Variants in TNC observed in about 807,000 individuals in gnomAD.
TNC encodes the protein tenascin C.
A neutral mutation model predicts 202.4 loss-of-function variants in TNC; 109 were observed. The observed-to-expected ratio is 0.54, with a 90% confidence interval of 0.46 to 0.63. TNC has a LOEUF of 0.63. TNC is among the 30% of genes least tolerant of loss of function. The probability of loss-of-function intolerance (pLI) is 0.00; values close to 1 mark genes in which losing one functional copy is unlikely to be tolerated. For synonymous variants in TNC, 1,007 were observed against 1,089.7 expected, an observed-to-expected ratio of 0.92 and a Z score of 1.50; for missense variants, 2,756 against 2,833.3, an observed-to-expected ratio of 0.97 and a Z score of 0.62.
chr9:115,060,114 T>C, intron 13 of TNC, 112 bp from the exon 14 acceptor site: 1 of 1,264,620 alleles, frequency 7.9e-7, no homozygotes, highest in Non-Finnish European at 1.1e-6. Context: ...AATTTTTTTT[T>C]TTAATTCTTG....
intron 1 of TNC, among the ~76,000 whole-genome samples, chr9:115,111,323 A>G (rs1454920394): frequency 6.9e-6 from 1 of 145,416 alleles, no homozygotes; most frequent in Non-Finnish European, 1.5e-5. Context: ...GACTAAGGTG[A>G]TGGAATATCC....
chr9:115,037,130 C>A (rs536755211), intron 20 of TNC, among the ~76,000 whole-genome samples: 2 of 152,202 alleles, frequency 1.3e-5, no homozygotes, highest in Admixed American at 1.3e-4. Flanking sequence ...CCCTCCTCCC[C>A]ATCAGTTCCC....
At chr9:115,043,363 CTG>C (rs1168655388) in intron 17 of TNC, among the ~76,000 whole-genome samples, 1 of 152,156 alleles carries the variant, frequency 6.6e-6, no homozygotes, top group Non-Finnish European at 1.5e-5. Context: ...CCCCCAGACT[CTG>C]TGGCTGCCTG....
intron 20 of TNC, among the ~76,000 whole-genome samples, chr9:115,037,597 G>A (rs530029142): frequency 1.8e-4 from 27 of 152,066 alleles, no homozygotes; most frequent in Middle Eastern, 3.4e-3. Context: ...GTGCGATCTC[G>A]GCTCACTGCA....
intron 15 of TNC, among the ~76,000 whole-genome samples, chr9:115,053,381 C>G (rs892953737): frequency 2.0e-5 from 3 of 152,296 alleles, no homozygotes; most frequent in South Asian, 4.1e-4. Flanking sequence ...ACTGGGGACA[C>G]AAGCCCTGTA....
intron 25 of TNC, among the ~76,000 whole-genome samples, chr9:115,027,997 G>A (rs1234308987): frequency 6.6e-6 from 1 of 152,144 alleles, no homozygotes; most frequent in Non-Finnish European, 1.5e-5. Flanking sequence ...TATATCTCAA[G>A]CAAGCATCTG....
At chr9:115,092,062 A>G (rs1588182531) in intron 1 of TNC, among the ~76,000 whole-genome samples, 1 of 152,372 alleles carries the variant, frequency 6.6e-6, no homozygotes, top group South Asian at 2.1e-4. Flanking sequence ...GGACTTAACA[A>G]TAGAATTAAG....
intron 1 of TNC, among the ~76,000 whole-genome samples, chr9:115,096,362 A>T (rs1172376963): frequency 2.0e-5 from 3 of 152,240 alleles, no homozygotes; most frequent in Admixed American, 2.0e-4. Context: ...GCTCAGTTGT[A>T]TCACTCACAT....
Position 115,084,853 on chromosome 9 carries a change from T to C in TNC, c.1868-381A>G, listed in dbSNP as rs549540767. Among the ~76,000 whole-genome samples, 3 of 152,306 alleles carry C rather than the reference T, an allele frequency of 2.0e-5. No homozygotes were observed. The East Asian group carries it at 5.8e-4, about 29-fold the overall frequency. ...TAGCACTGGGAGGGTATTTTGGGCATATCTGGTCCAACTTTCTTATATTAT... is the reference window on the plus strand; with the variant it reads ...TAGCACTGGGAGGGTATTTTGGGCACATCTGGTCCAACTTTCTTATATTAT... On this transcript the variant is annotated intron_variant, in intron 3 of 27. Coordinates refer to ENST00000350763, the MANE Select transcript of TNC (RefSeq NM_002160.4).
rs1461651047 is a variant in TNC at position 115,114,528 on chromosome 9, CAG to C, written c.-137+3452_-137+3453del. ...AAATTTGAACTTTCCTGTTTCCAGGCAGAGAGTTGCACCATTGAGAGCTGACC... is the reference window on the plus strand; with the variant it reads ...AAATTTGAACTTTCCTGTTTCCAGGCAGAGTTGCACCATTGAGAGCTGACC... On this transcript the variant is annotated intron_variant, in intron 1 of 27. Coordinates refer to ENST00000350763, the MANE Select transcript of TNC (RefSeq NM_002160.4). 2.6e-5 allele frequency among the ~76,000 whole-genome samples: 4 copies of C among 152,330 alleles called. No homozygotes were observed. The South Asian group carries it at 6.2e-4, about 24-fold the overall frequency.
intron 10 of TNC, among the ~76,000 whole-genome samples, chr9:115,072,156 G>T (rs138943506): frequency 6.6e-6 from 1 of 152,340 alleles, no homozygotes; most frequent in East Asian, 1.9e-4. Flanking sequence ...ATGAACTATG[G>T]GGAGAAGTGA....
At chr9:115,026,792 C>A in intron 25 of TNC, 97 bp from the exon 26 acceptor site, 1 of 1,153,556 alleles carries the variant, frequency 8.7e-7, no homozygotes. Flanking sequence ...ACACTTAAGA[C>A]AGGGCCAACT....
chr9:115,060,073 C>T lies in TNC; in HGVS notation c.4034-71G>A, dbSNP rs149092885. The T allele has an allele frequency of 6.9e-3, 9,947 of 1,435,344 alleles. 177 individuals are homozygous for T. Among genetic ancestry groups the T allele is most frequent in the South Asian group, 0.035 (2,529 of 71,268 alleles). 88.9% of individuals were successfully genotyped at this position (1,435,344 alleles called of 1,614,324 possible). A position where few individuals can be genotyped will look rare whatever the true frequency, so the allele number is the denominator to read the frequency against. On this transcript the variant is annotated intron_variant, in intron 13 of 27. Transcript: ENST00000350763. ...TGAGGAAACCAAACATCCCACAGCC[C>T]AACTCTAGGAAAGAGAGAAAGGGGA... is the stretch of plus-strand genomic sequence containing the variant.
chr9:115,109,745 C>T (rs1488009905), intron 1 of TNC, among the ~76,000 whole-genome samples: 1 of 152,188 alleles, frequency 6.6e-6, no homozygotes. Context: ...AGGTCTGTGT[C>T]CTGAGACAGT....
At chr9:115,117,821 T>C (rs776045010) in intron 1 of TNC, among the ~76,000 whole-genome samples, 161 bp downstream of exon 1, 10 of 151,986 alleles carry the variant, frequency 6.6e-5, no homozygotes, top group Non-Finnish European at 1.0e-4. Flanking sequence ...AAAGTCAAGG[T>C]GCATCTGATA....
Position 115,046,558 on chromosome 9 carries a change from C to T in TNC, c.4977G>A (p.Lys1659=). 1 of 1,614,112 alleles carries T rather than the reference C, an allele frequency of 6.2e-7. No individual in the cohort carries two copies. The highest frequency in any genetic ancestry group is 1.1e-5 in the South Asian group (1 of 91,078). Residue 1659 remains lysine (K), a synonymous_variant, in exon 17 of 28, where the codon AAG becomes AAA. Transcript: ENST00000350763. ...GGGTTATTTCCAGTGGCTCAGACTG[C>T]TTTTTGGTATCTCTGATTTTGAGAA... The part of the protein sequence containing the change: ...NFVLKIRDTK[K]QSEPLEITLL...
chr9:115,101,449 G>T (rs1241109698), intron 1 of TNC, among the ~76,000 whole-genome samples: 1 of 152,274 alleles, frequency 6.6e-6, no homozygotes, highest in East Asian at 1.9e-4. Flanking sequence ...CTGACCTCAG[G>T]TGATCTGCCC....
chr9:115,083,738 G>A (rs182946302), intron 4 of TNC, among the ~76,000 whole-genome samples: 11 of 151,934 alleles, frequency 7.2e-5, no homozygotes, highest in African/African-American at 1.7e-4. Flanking sequence ...CTGAGTAGCC[G>A]GGATTACAGG....
At chr9:115,022,522 T>C (rs1163169397) in intron 27 of TNC, among the ~76,000 whole-genome samples, 1 of 152,052 alleles carries the variant, frequency 6.6e-6, no homozygotes, top group Non-Finnish European at 1.5e-5. Context: ...TCTTCCATAA[T>C]TGAATGGAAG....
Sources: allele counts gnomAD v4.1 joint callset (sites outside exome capture counted in the v4.1 genomes callset), GRCh38; gene constraint gnomAD v4.1.1; transcripts MANE v1.5; gene names NCBI Gene and HGNC (gene_info 2026-07-23, HGNC 2026-07-21).